The following PPP3R1 variants were observed in gnomAD, a reference collection of about 807,000 sequenced individuals.
PPP3R1 encodes calcineurin subunit B type 1.
In PPP3R1, 5 loss-of-function variants were observed where a neutral mutation model predicts 22.6. That is an observed-to-expected ratio of 0.22 (90% CI 0.12 to 0.46). The LOEUF (loss-of-function observed/expected upper bound fraction) is 0.46. PPP3R1 is among the 20% of genes least tolerant of loss of function. The pLI, the probability that PPP3R1 is intolerant of heterozygous loss-of-function variation, is 0.99. For synonymous variants in PPP3R1, 56 were observed against 65.2 expected, an observed-to-expected ratio of 0.86 and a Z score of 0.68; for missense variants, 61 against 203.2, an observed-to-expected ratio of 0.30 and a Z score of 4.25.
chr2:68,206,187 A>G (rs1675121702), intron 2 of PPP3R1, among the ~76,000 whole-genome samples: 1 of 152,214 alleles, frequency 6.6e-6, no homozygotes, highest in East Asian at 1.9e-4. Flanking sequence ...TCAAAATCAA[A>G]GAGAAGTCGA....
At position 68,252,429 on chromosome 2, in the gene PPP3R1, G is replaced by A. The variant is rs1670390039; in HGVS notation, c.-302C>T. ...GAGAAGAAGAAAGGAGGGGGAGAGG[G>A]GGCGAAGACGGCCGGGAAACTCGGG... On this transcript the variant is annotated 5_prime_UTR_variant, in exon 1 of 6. Transcript: ENST00000234310. 1.0e-5 allele frequency: 10 copies of A among 993,756 alleles called. No homozygotes were observed. Among genetic ancestry groups the A allele is most frequent in the Non-Finnish European group, 9.6e-6 (8 of 836,264 alleles). 61.6% of individuals were successfully genotyped at this position (993,756 alleles called of 1,614,324 possible). A position where few individuals can be genotyped will look rare whatever the true frequency, so the allele number is the denominator to read the frequency against.
chr2:68,189,426 A>G (rs1169884489), intron 2 of PPP3R1, among the ~76,000 whole-genome samples: 2 of 152,224 alleles, frequency 1.3e-5, no homozygotes, highest in Admixed American at 1.3e-4. Context: ...ATTCAGTGTC[A>G]GGTCTCTTAT....
intron 2 of PPP3R1, among the ~76,000 whole-genome samples, chr2:68,193,193 G>T (rs1365187872): frequency 6.6e-6 from 1 of 152,102 alleles, no homozygotes; most frequent in Admixed American, 6.5e-5. Context: ...ATTTTACCTT[G>T]ACAATAAATG....
chr2:68,252,079 C>T (rs1270580630), intron 1 of PPP3R1, 46 bp downstream of exon 1: 3 of 1,386,958 alleles, frequency 2.2e-6, no homozygotes, highest in Non-Finnish European at 2.9e-6. Flanking sequence ...ACCCGGACGG[C>T]GGCAGTAGGG....
At chr2:68,215,769 T>G (rs1390252889) in intron 2 of PPP3R1, among the ~76,000 whole-genome samples, 1 of 152,116 alleles carries the variant, frequency 6.6e-6, no homozygotes, top group Non-Finnish European at 1.5e-5. Context: ...GGAATGAAGT[T>G]GCTCAGAGGA....
chr2:68,206,348 G>C (rs1408999690), intron 2 of PPP3R1, among the ~76,000 whole-genome samples: 2 of 152,218 alleles, frequency 1.3e-5, no homozygotes. Flanking sequence ...GATACTGAAG[G>C]AAAGGAGGTT....
At position 68,186,618 on chromosome 2, in the gene PPP3R1, G is replaced by A; in HGVS notation, c.315C>T (p.Gly105=). Residue 105 remains glycine (G), a synonymous_variant, in exon 5 of 6, where the codon GGC becomes GGT. Transcript: ENST00000234310. ...GGAAGAGTTCCCCATTGGAAATATA[G>A]CCATCTTTATCCATGTCATAGATAC... The part of the protein sequence containing the change: ...AFRIYDMDKD[G]YISNGELFQV... The A allele has an allele frequency of 6.2e-7, 1 of 1,612,508 alleles. No individual in the cohort carries two copies. The highest frequency in any genetic ancestry group is 8.5e-7 in the Non-Finnish European group (1 of 1,179,148).
At chr2:68,193,409 T>C (rs1316279103) in intron 2 of PPP3R1, among the ~76,000 whole-genome samples, 1 of 152,080 alleles carries the variant, frequency 6.6e-6, no homozygotes, top group Non-Finnish European at 1.5e-5. Flanking sequence ...ACGATTACGA[T>C]GATGAGTAAG....
chr2:68,251,343 T>G (rs1670346010), intron 1 of PPP3R1, among the ~76,000 whole-genome samples: 1 of 151,704 alleles, frequency 6.6e-6, no homozygotes, highest in Admixed American at 6.6e-5. Context: ...AAACAACCAC[T>G]CCAAGAGAGA....
rs555781514 is a variant in PPP3R1, at chr2:68,192,262, T to C, written c.44-3572A>G. ...TATTTTCTTCTTCCAATCTTGAGTT[T>C]TGCCTTAGTTTACAACCATAGACTA... On this transcript the variant is annotated intron_variant, in intron 2 of 5. Transcript: ENST00000234310. 2.2e-4 allele frequency among the ~76,000 whole-genome samples: 33 copies of C among 152,262 alleles called. 1 individual carries two copies. The highest frequency in any genetic ancestry group is 3.4e-3 in the Middle Eastern group (1 of 294).
chr2:68,213,064 G>T (rs1490952076), intron 2 of PPP3R1, among the ~76,000 whole-genome samples: 1 of 152,188 alleles, frequency 6.6e-6, no homozygotes, highest in Admixed American at 6.5e-5. Context: ...TGGCTGGTTT[G>T]ACCTGCTATC....
chr2:68,222,258 A>G (rs539092783), intron 1 of PPP3R1, among the ~76,000 whole-genome samples: 1 of 152,326 alleles, frequency 6.6e-6, no homozygotes, highest in Non-Finnish European at 1.5e-5. Context: ...ATTTGAAGGT[A>G]CAGCATGGTA....
intron 1 of PPP3R1, among the ~76,000 whole-genome samples, chr2:68,236,399 G>C (rs951063877): frequency 6.6e-6 from 1 of 152,150 alleles, no homozygotes; most frequent in African/African-American, 2.4e-5. Context: ...GTCCTTTGCA[G>C]AAAGAGTTTT....
chr2:68,184,489 G>A (rs922223459), intron 5 of PPP3R1, among the ~76,000 whole-genome samples: 2 of 152,082 alleles, frequency 1.3e-5, no homozygotes, highest in African/African-American at 4.8e-5. Context: ...TGGGGAGGAG[G>A]TAAAAATAAA....
At chr2:68,251,775 G>A (rs1481058566) in intron 1 of PPP3R1, among the ~76,000 whole-genome samples, 2 of 151,594 alleles carry the variant, frequency 1.3e-5, no homozygotes, top group Non-Finnish European at 2.9e-5. Context: ...GTGGAGGAGG[G>A]TCGCGAGAAG....
intron 1 of PPP3R1, among the ~76,000 whole-genome samples, chr2:68,245,062 T>TAC (rs1028316881): frequency 6.6e-6 from 1 of 152,232 alleles, no homozygotes; most frequent in Non-Finnish European, 1.5e-5. Context: ...AATCAGCTAT[T>TAC]ACCCTGACTC....
chr2:68,226,847 T>C (rs1379242521), intron 1 of PPP3R1, among the ~76,000 whole-genome samples: 1 of 152,130 alleles, frequency 6.6e-6, no homozygotes, highest in East Asian at 1.9e-4. Flanking sequence ...CCCGAATTCT[T>C]AAAAGTCCAG....
At chr2:68,239,869 T>G (rs1670085719) in intron 1 of PPP3R1, among the ~76,000 whole-genome samples, 1 of 152,134 alleles carries the variant, frequency 6.6e-6, no homozygotes, top group South Asian at 2.1e-4. Context: ...AACCTAAGAG[T>G]ACACAGATGG....
At chr2:68,185,928 A>G (rs1194041842) in intron 5 of PPP3R1, among the ~76,000 whole-genome samples, 1 of 152,262 alleles carries the variant, frequency 6.6e-6, no homozygotes, top group Non-Finnish European at 1.5e-5. Context: ...CAGTTCTCAC[A>G]TAACACACAA....
Sources: gnomAD v4.1 joint callset for allele counts (sites outside exome capture counted in the v4.1 genomes callset) on GRCh38, gnomAD v4.1.1 for gene constraint, MANE v1.5 for transcripts, NCBI Gene and HGNC (gene_info 2026-07-23, HGNC 2026-07-21) for gene names.